LOC400499: variants seen among roughly 807,000 people sequenced by gnomAD.
the LOC400499 span, among the ~76,000 whole-genome samples, chr16:11,375,210 C>T: frequency 2.9e-4 from 41 of 143,396 alleles, 7 homozygotes; most frequent in African/African-American, 5.5e-4. Context: ...TTATACTCCC[C>T]GTAAGAATAC....
the LOC400499 span, chr16:11,460,895 A>C: frequency 1.4e-6 from 2 of 1,449,508 alleles, no homozygotes; most frequent in Non-Finnish European, 1.8e-6. Context: ...TCACGGAGCC[A>C]CAGCCCTAGG....
the LOC400499 span, chr16:11,396,682 C>A: frequency 8.1e-7 from 1 of 1,232,076 alleles, no homozygotes; most frequent in Non-Finnish European, 1.0e-6. Flanking sequence ...GGGCCTGGGA[C>A]GAGAGAGTCT....
chr16:11,454,084 T>A, the LOC400499 span, among the ~76,000 whole-genome samples: 1 of 152,206 alleles, frequency 6.6e-6, no homozygotes, highest in Non-Finnish European at 1.5e-5. Context: ...GACGAGCTCC[T>A]AAAAGCTTCT....
the LOC400499 span, among the ~76,000 whole-genome samples, chr16:11,488,520 A>G: frequency 6.6e-6 from 1 of 152,136 alleles, no homozygotes; most frequent in East Asian, 1.9e-4. Context: ...CCTGGGCTCA[A>G]GCAATCCTCC....
the LOC400499 span, among the ~76,000 whole-genome samples, chr16:11,406,998 T>C: frequency 6.6e-6 from 1 of 152,244 alleles, no homozygotes; most frequent in Non-Finnish European, 1.5e-5. Flanking sequence ...GCTTCTGAAA[T>C]AGTGCCTGGC....
At chr16:11,527,326 G>C in the LOC400499 span, among the ~76,000 whole-genome samples, 3,887 of 152,134 alleles carry the variant, frequency 0.026, 174 homozygotes, top group African/African-American at 0.089. Context: ...GGGGCATTCA[G>C]AACAGAGATC....
chr16:11,435,810 G>T, the LOC400499 span: 1 of 399,330 alleles, frequency 2.5e-6, no homozygotes, highest in East Asian at 3.6e-5. Flanking sequence ...ACCAGCTCCC[G>T]GCCAGACATT....
At chr16:11,520,664 C>CAA in the LOC400499 span, among the ~76,000 whole-genome samples, 128 of 63,134 alleles carry the variant, frequency 2.0e-3, no homozygotes, top group Non-Finnish European at 2.8e-3. Context: ...GAGACTCCAT[C>CAA]AAAAAAAAAA....
the LOC400499 span, among the ~76,000 whole-genome samples, chr16:11,495,438 TGGCCCTATCTA>T: frequency 6.6e-6 from 1 of 151,472 alleles, no homozygotes; most frequent in Admixed American, 6.6e-5. Context: ...TGGAGTGCAG[TGGCCCTATCTA>T]GGCCCACTGC....
the LOC400499 span, chr16:11,431,264 C>A: frequency 7.5e-6 from 3 of 398,924 alleles, no homozygotes; most frequent in Non-Finnish European, 1.3e-5. Context: ...AGATCATGGG[C>A]TTTGTAGTCA....
chr16:11,485,026 A>C, the LOC400499 span: 2 of 398,960 alleles, frequency 5.0e-6, no homozygotes, highest in Non-Finnish European at 8.8e-6. Flanking sequence ...ACTTCCTGCC[A>C]AACAGCCTGT....
the LOC400499 span, among the ~76,000 whole-genome samples, chr16:11,498,359 AT>A: frequency 4.6e-5 from 7 of 152,192 alleles, no homozygotes; most frequent in South Asian, 1.5e-3. Flanking sequence ...GGTGTGCATC[AT>A]AATCCCAGCT....
At chr16:11,480,440 C>T in the LOC400499 span, among the ~76,000 whole-genome samples, 2 of 152,118 alleles carry the variant, frequency 1.3e-5, no homozygotes, top group East Asian at 1.9e-4. Context: ...ATGCCCCAAC[C>T]GTCTACCTTG....
chr16:11,429,691 C>G, the LOC400499 span, among the ~76,000 whole-genome samples: 12 of 151,990 alleles, frequency 7.9e-5, no homozygotes, highest in Admixed American at 3.3e-4. Context: ...CCAGGCTGGT[C>G]TTGAACTCCT....
chr16:11,471,349 G>T, the LOC400499 span: 2 of 246,560 alleles, frequency 8.1e-6, no homozygotes, highest in African/African-American at 2.2e-5. Context: ...TGATTAAAAG[G>T]GAAGAAATGT....
the LOC400499 span, among the ~76,000 whole-genome samples, chr16:11,489,811 A>T: frequency 4.6e-5 from 7 of 152,226 alleles, no homozygotes; most frequent in Admixed American, 4.6e-4. Context: ...AATGTAATTC[A>T]GCAACGTCAC....
the LOC400499 span, among the ~76,000 whole-genome samples, chr16:11,438,154 G>C: frequency 1.3e-5 from 2 of 152,150 alleles, no homozygotes; most frequent in African/African-American, 4.8e-5. Context: ...TCCACAAAGA[G>C]GGTTTAGAAC....
At chr16:11,476,927 C>A in the LOC400499 span, 1 of 399,162 alleles carries the variant, frequency 2.5e-6, no homozygotes, top group African/African-American at 2.1e-5. Context: ...CCCATCTGAG[C>A]TGAGATCTGG....
chr16:11,447,704 G>A, the LOC400499 span, among the ~76,000 whole-genome samples: 1 of 152,080 alleles, frequency 6.6e-6, no homozygotes, highest in Non-Finnish European at 1.5e-5. Flanking sequence ...AGGCTAGGAT[G>A]ATGAGACTCT....
Sources: gnomAD v4.1 joint callset for allele counts (sites outside exome capture counted in the v4.1 genomes callset) on GRCh38, gnomAD v4.1.1 for gene constraint, MANE v1.5 for transcripts.